VAMP7: variants seen among roughly 807,000 people sequenced by gnomAD.
VAMP7 encodes the protein vesicle-associated membrane protein 7.
In VAMP7, 14 loss-of-function variants were observed where a neutral mutation model predicts 29.6. The ratio of observed to expected loss-of-function variants is 0.47; its 90% CI spans 0.31 to 0.74. VAMP7 has a LOEUF of 0.74. Ranked by LOEUF, VAMP7 falls within the 30% of genes least tolerant of loss-of-function variation. The probability of loss-of-function intolerance (pLI) is 0.05; values close to 1 mark genes in which losing one functional copy is unlikely to be tolerated. For synonymous variants in VAMP7, 95 were observed against 88.1 expected (o/e 1.08, Z -0.44); for missense variants, 223 against 262.4 (o/e 0.85, Z 1.04).
chrX:155,912,368 T>TA (rs2066249631), intron 5 of VAMP7, among the ~76,000 whole-genome samples: 1 of 152,134 alleles, frequency 6.6e-6, no homozygotes, highest in Admixed American at 6.5e-5. Context: ...TTGCTCTTTT[T>TA]TTATTATTAT....
chrX:155,905,318 C>T (rs1209482526), intron 5 of VAMP7, among the ~76,000 whole-genome samples: 1 of 151,980 alleles, frequency 6.6e-6, no homozygotes, highest in East Asian at 1.9e-4. Context: ...ATTCTGGATA[C>T]TAGACCCTTA....
chrX:155,923,529 A>C (rs747335445), intron 6 of VAMP7, among the ~76,000 whole-genome samples: 1 of 151,186 alleles, frequency 6.6e-6, no homozygotes, highest in African/African-American at 2.4e-5. Context: ...TGTCTTTTAC[A>C]TTGTTTCTGA....
intron 6 of VAMP7, among the ~76,000 whole-genome samples, chrX:155,923,179 T>A (rs2066419688): frequency 6.6e-6 from 1 of 152,036 alleles, no homozygotes; most frequent in Non-Finnish European, 1.5e-5. Flanking sequence ...GTTGTTTTTG[T>A]TTAAAGAGTT....
intron 5 of VAMP7, among the ~76,000 whole-genome samples, chrX:155,910,063 T>C (rs2066214964): frequency 1.3e-5 from 2 of 151,920 alleles, no homozygotes; most frequent in Non-Finnish European, 2.9e-5. Context: ...AACTGTGTGT[T>C]TGTACCTATT....
chrX:155,927,377 T>G (rs1158854215), intron 6 of VAMP7, among the ~76,000 whole-genome samples: 1 of 89,380 alleles, frequency 1.1e-5, no homozygotes, highest in Non-Finnish European at 2.3e-5. Context: ...ATAATAATAA[T>G]AAAAAGAAAC....
Position 155,939,692 on chromosome X carries a change from C to T in VAMP7, c.502-9C>T, listed in dbSNP as rs1311279411. 3.7e-6 allele frequency: 6 copies of T among 1,611,642 alleles called. No homozygotes were observed. The highest frequency in any genetic ancestry group is 1.7e-5 in the Admixed American group (1 of 59,982). On this transcript the variant is annotated splice_polypyrimidine_tract_variant and intron_variant, in intron 6 of 7. Transcript: ENST00000286448. ...GCCAGGGGTTAAACAATTCTCGCCT[C>T]TTTTCTAGTCTGTCACCTTCAAAAC...
At chrX:155,937,974 T>G (rs1306002150) in intron 6 of VAMP7, among the ~76,000 whole-genome samples, 2 of 152,224 alleles carry the variant, frequency 1.3e-5, no homozygotes, top group African/African-American at 4.8e-5. Flanking sequence ...CTGCTTTTGC[T>G]CATTTATGTT....
intron 1 of VAMP7, among the ~76,000 whole-genome samples, chrX:155,887,454 G>A (rs1337074450): frequency 6.6e-6 from 1 of 152,118 alleles, no homozygotes; most frequent in Non-Finnish European, 1.5e-5. Context: ...TGTTGACTGT[G>A]CCTAAGAGGT....
Position 155,920,332 on chromosome X carries a change from C to T in VAMP7, c.501+452C>T, listed in dbSNP as rs186965176. On this transcript the variant is annotated intron_variant, in intron 6 of 7. Transcript: ENST00000286448. ...CAATCAAGAGACATCGATTGGAAAG[C>T]GCCAATAAGCCTTAAAGGAGACAAT... 7.3e-3 allele frequency among the ~76,000 whole-genome samples: 1,116 copies of T among 152,226 alleles called. 5 individuals are homozygous for T. Among genetic ancestry groups the T allele is most frequent in the Middle Eastern group, 0.014 (4 of 294 alleles).
chrX:155,917,209 G>A (rs1389973968), intron 5 of VAMP7, among the ~76,000 whole-genome samples: 2 of 152,036 alleles, frequency 1.3e-5, no homozygotes, highest in Non-Finnish European at 2.9e-5. Context: ...AGTCCCATCA[G>A]GTCATTTATG....
chrX:155,932,938 T>G (rs1458177313), intron 6 of VAMP7, among the ~76,000 whole-genome samples: 1 of 152,194 alleles, frequency 6.6e-6, no homozygotes, highest in Non-Finnish European at 1.5e-5. Context: ...GTCAAAGGCC[T>G]TTTCTGCATC....
chrX:155,908,786 TTTG>T (rs1401329221), intron 5 of VAMP7, among the ~76,000 whole-genome samples: 4 of 152,068 alleles, frequency 2.6e-5, no homozygotes, highest in African/African-American at 9.7e-5. Context: ...GTGAAGCTTT[TTTG>T]TTTTTGTTTT....
intron 1 of VAMP7, among the ~76,000 whole-genome samples, chrX:155,883,712 T>G (rs1402511122): frequency 6.8e-6 from 1 of 147,440 alleles, no homozygotes; most frequent in Non-Finnish European, 1.5e-5. Context: ...CACATCTTTT[T>G]TTTTTTTTTT....
chrX:155,909,966 C>T (rs952659689), intron 5 of VAMP7, among the ~76,000 whole-genome samples: 2 of 152,178 alleles, frequency 1.3e-5, no homozygotes, highest in African/African-American at 4.8e-5. Flanking sequence ...ATTCTCTCTT[C>T]TAGCTATTTT....
chrX:155,942,253 C>A lies in VAMP7; in HGVS notation c.*302C>A. On this transcript the variant is annotated 3_prime_UTR_variant, in exon 8 of 8. Transcript: ENST00000286448. The stretch of plus-strand genomic sequence containing the variant: ...AGAAACATTTTTGTTTTTAATTGCT[C>A]AAAGCTGTCGCCGCTAGTCTTATGA... The A allele has an allele frequency of 7.4e-7, 1 of 1,349,536 alleles. No individual in the cohort carries two copies. Among genetic ancestry groups the A allele is most frequent in the Non-Finnish European group, 9.9e-7 (1 of 1,006,746 alleles). The allele number at this position is 1,349,536 out of a possible 1,614,324, so 83.6% of individuals were successfully genotyped here.
At chrX:155,895,082 CTG>C (rs2065970529) in intron 2 of VAMP7, among the ~76,000 whole-genome samples, 1 of 152,164 alleles carries the variant, frequency 6.6e-6, no homozygotes, top group African/African-American at 2.4e-5. Context: ...TTTAACTTTC[CTG>C]TCATCCTGTT....
chrX:155,917,853 C>T (rs2066335314), intron 5 of VAMP7, among the ~76,000 whole-genome samples: 1 of 152,158 alleles, frequency 6.6e-6, no homozygotes, highest in Admixed American at 6.6e-5. Context: ...ATTGCCGCTG[C>T]TCTCTTCCGA....
chrX:155,907,749 C>T (rs1225386977), intron 5 of VAMP7, among the ~76,000 whole-genome samples: 47 of 152,176 alleles, frequency 3.1e-4, no homozygotes, highest in Admixed American at 2.0e-3. Context: ...TCCACAAAAC[C>T]GCCATTGTCA....
At chrX:155,891,229 T>TA (rs1456882951) in intron 2 of VAMP7, among the ~76,000 whole-genome samples, 1 of 152,228 alleles carries the variant, frequency 6.6e-6, no homozygotes, top group African/African-American at 2.4e-5. Flanking sequence ...AAAACTCTGT[T>TA]ACTCTGGAGG....
Sources: gnomAD v4.1 joint callset for allele counts (sites outside exome capture counted in the v4.1 genomes callset) on GRCh38, gnomAD v4.1.1 for gene constraint, MANE v1.5 for transcripts, NCBI Gene and HGNC (gene_info 2026-07-23, HGNC 2026-07-21) for gene names.